The following PRKDC variants were observed in gnomAD, a reference collection of about 807,000 sequenced individuals.
PRKDC encodes DNA-dependent protein kinase catalytic subunit.
Under a neutral mutation model 486.9 loss-of-function variants are expected in PRKDC, and 82 were observed. The observed-to-expected ratio is 0.17, with a 90% CI of 0.14 to 0.20. PRKDC has a LOEUF of 0.20. Ranked by LOEUF, PRKDC falls within the 10% of genes least tolerant of loss-of-function variation. PRKDC has a pLI of 1.00. For synonymous variants in PRKDC, 1,895 were observed against 1,837.0 expected, an observed-to-expected ratio of 1.03 and a Z score of -0.81; for missense variants, 4,504 against 5,038.2, an observed-to-expected ratio of 0.89 and a Z score of 3.21.
At chr8:47,859,110 C>T (rs2088615178) in intron 46 of PRKDC, 124 bp from the exon 47 acceptor site, 2 of 1,049,904 alleles carry the variant, frequency 1.9e-6, no homozygotes, top group Admixed American at 2.1e-5. Flanking sequence ...TAATGATAAT[C>T]TGGTAATAAT....
chr8:47,930,110 A>G, intron 17 of PRKDC, 98 bp from the exon 18 acceptor site: 1 of 1,060,922 alleles, frequency 9.4e-7, no homozygotes. Flanking sequence ...CAAACCCATC[A>G]CGTAACATTT....
At position 47,854,109 on chromosome 8, in the gene PRKDC, G is replaced by A; in HGVS notation, c.6867C>T (p.Asp2289=). Residue 2289 remains aspartate (D), a synonymous_variant, in exon 51 of 86, where the codon GAC becomes GAT. Coordinates refer to ENST00000314191, the MANE Select transcript of PRKDC (RefSeq NM_006904.7). ...CGCTACTCTGGATGCCACACTGTGG[G>A]TCATAGGGAGGCAGGTCATTGGCCA... The part of the protein sequence containing the change: ...IVMANDLPPY[D]PQCGIQSSEY... The A allele has an allele frequency of 6.2e-7, 1 of 1,613,934 alleles. No homozygotes were observed. Among genetic ancestry groups the A allele is most frequent in the South Asian group, 1.1e-5 (1 of 91,076 alleles).
intron 70 of PRKDC, 99 bp from the exon 71 acceptor site, chr8:47,801,085 TTTTTGGGATAGGGTCTCGCTCTGTTAC>T (rs1377051097): frequency 2.7e-5 from 33 of 1,228,604 alleles, no homozygotes; most frequent in Non-Finnish European, 3.6e-5. Flanking sequence ...TTTTCTTTTG[TTTTTGGGATAGGGTCTCGCTCTGTTAC>T]CCAGGCTGGA....
intron 11 of PRKDC, among the ~76,000 whole-genome samples, chr8:47,937,810 G>A (rs1352883038): frequency 6.6e-6 from 1 of 152,212 alleles, no homozygotes; most frequent in African/African-American, 2.4e-5. Context: ...GACAAATGGA[G>A]ATGAAGATTA....
intron 36 of PRKDC, 91 bp downstream of exon 36, chr8:47,885,853 C>A (rs2089315599): frequency 7.9e-7 from 1 of 1,272,142 alleles, no homozygotes; most frequent in South Asian, 1.3e-5. Context: ...GATCGTGCCA[C>A]TGCACTCCAG....
At chr8:47,903,069 T>C (rs2089716768) in intron 26 of PRKDC, among the ~76,000 whole-genome samples, 1 of 152,128 alleles carries the variant, frequency 6.6e-6, no homozygotes, top group Non-Finnish European at 1.5e-5. Context: ...ACTTTAATTA[T>C]AACAAAACAA....
At chr8:47,881,848 T>C in intron 37 of PRKDC, 64 bp downstream of exon 37, 2 of 1,378,360 alleles carry the variant, frequency 1.5e-6, no homozygotes, top group Non-Finnish European at 1.9e-6. Context: ...CCATCAAATT[T>C]TAAAGACACA....
At chr8:47,792,179 G>A (rs1004343844) in intron 74 of PRKDC, among the ~76,000 whole-genome samples, 2 of 151,664 alleles carry the variant, frequency 1.3e-5, no homozygotes, top group African/African-American at 2.4e-5. Flanking sequence ...AGCGGGGATG[G>A]TTAATGGGCA....
intron 54 of PRKDC, among the ~76,000 whole-genome samples, chr8:47,848,493 G>C (rs891489174): frequency 6.6e-6 from 1 of 152,096 alleles, no homozygotes; most frequent in Admixed American, 6.5e-5. Context: ...AAGGGGAAGG[G>C]AGGATATGAG....
chr8:47,860,622 A>G (rs2088655546), intron 45 of PRKDC, among the ~76,000 whole-genome samples: 1 of 152,226 alleles, frequency 6.6e-6, no homozygotes, highest in Admixed American at 6.5e-5. Context: ...CACCAAGCTA[A>G]TTTTGTATTT....
chr8:47,836,488 C>A lies in PRKDC; in HGVS notation c.7801G>T (p.Val2601Phe). 1.2e-6 allele frequency: 2 copies of A among 1,609,414 alleles called. No homozygotes were observed. The highest frequency in any genetic ancestry group is 1.7e-6 in the Non-Finnish European group (2 of 1,177,802). Residue 2601 changes from valine to phenylalanine, a missense_variant, in exon 58 of 86, where the codon GTT becomes TTT. This residue lies in a region of PRKDC where 1,592 missense variants were observed against 1,724.6 expected (regional missense o/e 0.92). Coordinates refer to ENST00000314191, the MANE Select transcript of PRKDC (RefSeq NM_006904.7). ...GTCTCCACAAACATCGGAGTGAGAA[C>A]AGTACTTCGGAAACGCCAATCAGAA... ...IDSDWRFRST[V>F]LTPMFVETQA...
At position 47,782,515 on chromosome 8, in the gene PRKDC, C is replaced by A; in HGVS notation, c.11259G>T (p.Lys3753Asn). The change falls in exon 79 of 86, where the codon AAG becomes AAT. Residue 3753 changes from lysine (K) to asparagine (N), a missense_variant. Physicochemically the swap from Lys to Asn is moderately conservative, Grantham distance 94 (BLOSUM62 0). This residue lies in a region of PRKDC where 706 missense variants were observed against 945.0 expected (regional missense o/e 0.75). Transcript: ENST00000314191. This position sits in a 1 kb window ranked among gnomAD's most constrained non-coding sequence, Gnocchi z 4.9. ...GGTCCTGCCGCAGGTCCTCGCCACC[C>A]TTCACCAGGAAAGGGTGTTCCCTCT... is the stretch of plus-strand genomic sequence containing the variant. ...HDEREHPFLV[K>N]GGEDLRQDQR... 2 of 1,577,228 alleles carry A rather than the reference C, an allele frequency of 1.3e-6. No homozygotes were observed. Among genetic ancestry groups the A allele is most frequent in the Non-Finnish European group, 8.6e-7 (1 of 1,161,858 alleles).
intron 54 of PRKDC, among the ~76,000 whole-genome samples, chr8:47,842,332 T>C (rs1025306744): frequency 2.0e-5 from 3 of 152,080 alleles, no homozygotes; most frequent in Non-Finnish European, 4.4e-5. Context: ...CTAGCCCTTA[T>C]CCTTAAGCAC....
At chr8:47,827,729 T>C (rs952476163) in intron 62 of PRKDC, among the ~76,000 whole-genome samples, 3 of 152,196 alleles carry the variant, frequency 2.0e-5, no homozygotes, top group African/African-American at 4.8e-5. Flanking sequence ...CATCTATTAA[T>C]GGGAATGTAA....
At position 47,900,456 on chromosome 8, in the gene PRKDC, G is replaced by A. The variant is rs375944045; in HGVS notation, c.3281C>T (p.Ser1094Phe). The A allele has an allele frequency of 1.2e-5, 19 of 1,607,838 alleles. No homozygotes were observed. In the African/African-American group the frequency reaches 2.0e-4, roughly 17 times the overall value. The change falls in exon 28 of 86, where the codon TCT becomes TTT. Residue 1094 changes from serine (S) to phenylalanine (F), a missense_variant. This residue lies in a region of PRKDC where 1,969 missense variants were observed against 2,068.9 expected (regional missense o/e 0.95). Transcript: ENST00000314191. ...TTCAAACACAAACTGTTCCACCAGA[G>A]ACTCTTCTTCCCTGTAAAATAAAGA... ...NIYREFREEE[S>F]LVEQFVFEAL...
At chr8:47,858,721 AGACAT>A in intron 47 of PRKDC, 86 bp from the exon 48 acceptor site, 2 of 1,445,028 alleles carry the variant, frequency 1.4e-6, no homozygotes, top group Non-Finnish European at 1.8e-6. Context: ...GGACAAAGTA[AGACAT>A]GAACAAAAAA....
At position 47,862,480 on chromosome 8, in the gene PRKDC, T is replaced by G. The variant is rs2088699621; in HGVS notation, c.5812A>C (p.Arg1938=). The change falls in exon 43 of 86, where the codon AGA becomes CGA. Residue 1938 remains arginine (R), a synonymous_variant. Coordinates refer to ENST00000314191, the MANE Select transcript of PRKDC (RefSeq NM_006904.7). ...AGENQLLERR[R]LYHCAAYNCA... is the part of the protein sequence containing the mutation. ...TTGTATGCTGCACAATGGTAAAGTC[T>G]TCTCCTCTCCAGCAGCTGATTCTCT... 3 of 1,613,854 alleles carry G rather than the reference T, an allele frequency of 1.9e-6. No homozygotes were observed.
At chr8:47,940,797 T>G (rs1042132558) in intron 10 of PRKDC, among the ~76,000 whole-genome samples, 2 of 152,244 alleles carry the variant, frequency 1.3e-5, no homozygotes, top group South Asian at 4.1e-4. Flanking sequence ...GAGGACAGAT[T>G]AAAACACTAT....
intron 77 of PRKDC, 118 bp from the exon 78 acceptor site, chr8:47,783,927 G>A (rs1296811605): frequency 1.5e-5 from 16 of 1,044,010 alleles, no homozygotes; most frequent in Non-Finnish European, 2.2e-5. Flanking sequence ...ACCTTTTACT[G>A]AAAAGTTTTC....
Sources: allele counts gnomAD v4.1 joint callset (sites outside exome capture counted in the v4.1 genomes callset), GRCh38; gene constraint gnomAD v4.1.1; regional missense constraint gnomAD v4.1.1; non-coding constraint Gnocchi (gnomAD v3.1); transcripts MANE v1.5; gene names NCBI Gene and HGNC (gene_info 2026-07-23, HGNC 2026-07-21).